Variants in CPED1 observed in about 807,000 individuals in gnomAD.
CPED1 encodes cadherin like and PC-esterase domain containing 1.
CPED1 carries 114 observed loss-of-function variants against 128.2 expected under a neutral mutation model. That is an observed-to-expected ratio of 0.89 (90% CI 0.76 to 1.04). The LOEUF is 1.04. CPED1 is among the 50% of genes least tolerant of loss of function. The probability of loss-of-function intolerance (pLI) is 0.00; values close to 1 mark genes in which losing one functional copy is unlikely to be tolerated. For synonymous variants in CPED1, 462 were observed against 426.7 expected (o/e 1.08, Z -1.02); for missense variants, 1,211 against 1,207.1 (o/e 1.00, Z -0.05).
intron 8 of CPED1, 90 bp from the exon 9 acceptor site, chr7:121,125,730 G>C (rs1759270949): frequency 1.1e-6 from 1 of 909,208 alleles, no homozygotes; most frequent in African/African-American, 1.6e-5. Context: ...ATTTGGGTTG[G>C]TTCCAAGTTT....
intron 16 of CPED1, among the ~76,000 whole-genome samples, chr7:121,189,771 T>TAC (rs1797090778): frequency 1.5e-5 from 1 of 65,472 alleles, no homozygotes; most frequent in African/African-American, 5.9e-5. Flanking sequence ...TATATATATA[T>TAC]ATATATATAT....
chr7:121,161,455 T>C (rs187304895), intron 16 of CPED1, among the ~76,000 whole-genome samples: 4 of 152,292 alleles, frequency 2.6e-5, no homozygotes, highest in African/African-American at 9.6e-5. Flanking sequence ...TCCCAGGATT[T>C]TTCTCTCTCT....
rs564095299 is a variant in CPED1, at chr7:121,230,579, G to A, written c.2056-6135G>A. Among the ~76,000 whole-genome samples the A allele has an allele frequency of 1.1e-4, 17 of 152,170 alleles. 1 individual carries two copies. In the South Asian group the frequency reaches 3.1e-3, roughly 28 times the overall value. On this transcript the variant is annotated intron_variant, in intron 16 of 22. Transcript: ENST00000310396. ...AGCACAGATCAAAATGGTTTCAGAAGATCAAGGATGTCAGCACTAAAGTCT... is the reference window on the plus strand; with the variant it reads ...AGCACAGATCAAAATGGTTTCAGAAAATCAAGGATGTCAGCACTAAAGTCT...
intron 16 of CPED1, among the ~76,000 whole-genome samples, chr7:121,165,867 ATTTG>A (rs760390224): frequency 6.6e-5 from 10 of 152,196 alleles, no homozygotes; most frequent in Non-Finnish European, 1.5e-4. Context: ...CATTCCAATT[ATTTG>A]TTAGCTTTCT....
intron 16 of CPED1, among the ~76,000 whole-genome samples, chr7:121,219,108 T>C (rs1035056188): frequency 2.0e-5 from 3 of 152,090 alleles, no homozygotes; most frequent in Non-Finnish European, 2.9e-5. Context: ...GAACTGAATG[T>C]TGTATCTAAG....
chr7:121,293,171 A>G (rs539691060), intron 22 of CPED1, among the ~76,000 whole-genome samples: 1 of 152,278 alleles, frequency 6.6e-6, no homozygotes, highest in East Asian at 1.9e-4. Flanking sequence ...AGTTTTATCT[A>G]TAAGCCCCTG....
intron 14 of CPED1, among the ~76,000 whole-genome samples, chr7:121,139,331 C>T (rs189619948): frequency 3.2e-4 from 48 of 151,652 alleles, no homozygotes; most frequent in Non-Finnish European, 6.0e-4. Context: ...ATAATTTATA[C>T]CTGAATTTGT....
At position 120,989,855 on chromosome 7, in the gene CPED1, C is replaced by T. The variant is rs1796282162; in HGVS notation, c.234C>T (p.Ala78=). The T allele has an allele frequency of 6.2e-7, 1 of 1,613,994 alleles. No homozygotes were observed. Among genetic ancestry groups the T allele is most frequent in the East Asian group, 2.2e-5 (1 of 44,864 alleles). Residue 78 remains alanine (A), a synonymous_variant, in exon 2 of 23, where the codon GCC becomes GCT. Coordinates refer to ENST00000310396, the MANE Select transcript of CPED1 (RefSeq NM_024913.5). ...AGTGCTTCCTTCTCTCTGGTAATGCCCAGGAAACCAGAAAGGTAAGACTCT... is the reference window on the plus strand; with the variant it reads ...AGTGCTTCCTTCTCTCTGGTAATGCTCAGGAAACCAGAAAGGTAAGACTCT... The part of the protein sequence containing the change: ...DKQCFLLSGN[A]QETRKVKESM...
chr7:121,047,694 CTTCTTCTTCTTCTTCTTCTTCTTT>C (rs1322111686), intron 4 of CPED1, among the ~76,000 whole-genome samples: 1 of 21,720 alleles, frequency 4.6e-5, no homozygotes, highest in Non-Finnish European at 1.1e-4. Flanking sequence ...TCTTCTTCTT[CTTCTTCTTCTTCTTCTTCTTCTTT>C]TTTTTTTTTT....
At chr7:121,026,986 A>C (rs1792607536) in intron 3 of CPED1, among the ~76,000 whole-genome samples, 1 of 148,988 alleles carries the variant, frequency 6.7e-6, no homozygotes, top group Non-Finnish European at 1.5e-5. Context: ...CGTGCCACCA[A>C]GCCCAGCTAA....
At chr7:121,114,453 A>T (rs752356224) in intron 7 of CPED1, among the ~76,000 whole-genome samples, 1 of 152,256 alleles carries the variant, frequency 6.6e-6, no homozygotes, top group Non-Finnish European at 1.5e-5. Flanking sequence ...AAGTGCAAAA[A>T]GAGACAGACT....
intron 18 of CPED1, among the ~76,000 whole-genome samples, chr7:121,256,307 A>C (rs1319994789): frequency 6.6e-6 from 1 of 152,056 alleles, no homozygotes; most frequent in Admixed American, 6.6e-5. Flanking sequence ...ATCTTCAACA[A>C]GGCCAGTGAA....
At chr7:120,990,581 C>G (rs1327611453) in intron 2 of CPED1, among the ~76,000 whole-genome samples, 2 of 152,062 alleles carry the variant, frequency 1.3e-5, no homozygotes, top group Non-Finnish European at 2.9e-5. Context: ...CCACTCTCCT[C>G]ATGCCTATCA....
In CPED1 at chr7:121,236,839, T is replaced by C. The variant is rs749837969; in HGVS notation, c.2173+8T>C. 8 of 1,377,826 alleles carry C rather than the reference T, an allele frequency of 5.8e-6. No individual in the cohort carries two copies. The highest frequency in any genetic ancestry group is 7.2e-6 in the Non-Finnish European group (7 of 977,376). The allele number at this position is 1,377,826 out of a possible 1,614,324, so 85.4% of individuals were successfully genotyped here. A position where few individuals can be genotyped will look rare whatever the true frequency, so the allele number is the denominator to read the frequency against. On this transcript the variant is annotated splice_region_variant and intron_variant, in intron 17 of 22. Transcript: ENST00000310396. The stretch of plus-strand genomic sequence containing the variant: ...CATCTGGGGACATGAAAGGTGACTA[T>C]CACATTGGATATCACTTCTCTAAAA...
intron 18 of CPED1, among the ~76,000 whole-genome samples, chr7:121,262,483 G>A (rs1792040781): frequency 6.6e-6 from 1 of 151,800 alleles, no homozygotes; most frequent in African/African-American, 2.4e-5. Flanking sequence ...ACTGCATGCA[G>A]AGTCATGGGA....
At chr7:121,241,970 C>T (rs1798406224) in intron 17 of CPED1, among the ~76,000 whole-genome samples, 1 of 152,124 alleles carries the variant, frequency 6.6e-6, no homozygotes, top group Admixed American at 6.5e-5. Flanking sequence ...TTTCTGAGCC[C>T]CATCCCCATT....
Position 121,266,764 on chromosome 7 carries a change from G to A in CPED1, c.2589G>A (p.Trp863Ter). The part of the protein sequence containing the change: ...QTVLVVGGVQ[W>*]LNSNHLQIIH... ...TATTGGTTGTTGGTGGTGTTCAGTG[G>A]CTTAATTCCAATCACCTGCAAATTA... is the stretch of plus-strand genomic sequence containing the variant. The change falls in exon 20 of 23, where the codon TGG (tryptophan) becomes TGA (stop). Residue 863 changes from tryptophan to a stop codon, truncating the protein, a stop_gained. Coordinates refer to ENST00000310396, the MANE Select transcript of CPED1 (RefSeq NM_024913.5). LOFTEE classifies it high-confidence loss of function. The A allele has an allele frequency of 6.2e-7, 1 of 1,612,962 alleles. No individual in the cohort carries two copies. The highest frequency in any genetic ancestry group is 8.5e-7 in the Non-Finnish European group (1 of 1,179,280).
chr7:121,020,270 A>G (rs572822567), intron 3 of CPED1, among the ~76,000 whole-genome samples: 3 of 152,152 alleles, frequency 2.0e-5, no homozygotes, highest in Non-Finnish European at 2.9e-5. Context: ...AAAAGACCAT[A>G]TAGATATCCT....
intron 3 of CPED1, among the ~76,000 whole-genome samples, chr7:121,032,204 T>A (rs1585028946): frequency 6.6e-6 from 1 of 152,222 alleles, no homozygotes; most frequent in South Asian, 2.1e-4. Flanking sequence ...AAATTAATAA[T>A]GTTAATGAAG....
Sources: allele counts gnomAD v4.1 joint callset (sites outside exome capture counted in the v4.1 genomes callset), GRCh38; gene constraint gnomAD v4.1.1; transcripts MANE v1.5; gene names NCBI Gene and HGNC (gene_info 2026-07-23, HGNC 2026-07-21).